Variants in PPARGC1B observed in about 807,000 individuals in gnomAD.
PPARGC1B encodes PPARG coactivator 1 beta.
PPARGC1B carries 34 observed loss-of-function variants against 101.6 expected under a neutral mutation model. That is an observed-to-expected ratio of 0.33 (90% CI 0.25 to 0.45). PPARGC1B has a LOEUF of 0.45. Among genes scored for constraint, PPARGC1B ranks in the 20% least tolerant of loss-of-function variants. The probability of loss-of-function intolerance (pLI) is 1.00; values close to 1 mark genes in which losing one functional copy is unlikely to be tolerated. For synonymous variants in PPARGC1B, 548 were observed against 539.3 expected, an observed-to-expected ratio of 1.02 and a Z score of -0.22; for missense variants, 1,234 against 1,317.6, an observed-to-expected ratio of 0.94 and a Z score of 0.98.
At chr5:149,757,295 T>C (rs756956809) in intron 1 of PPARGC1B, among the ~76,000 whole-genome samples, 13 of 151,926 alleles carry the variant, frequency 8.6e-5, no homozygotes, top group Non-Finnish European at 1.8e-4. Context: ...ACAAACGATT[T>C]GTGAAAATGG....
intron 1 of PPARGC1B, among the ~76,000 whole-genome samples, chr5:149,796,028 G>A (rs985230878): frequency 8.5e-5 from 13 of 152,290 alleles, no homozygotes; most frequent in Admixed American, 5.9e-4. Flanking sequence ...ACTGTGTGCC[G>A]AGGTGCAGCA....
chr5:149,747,039 A>G (rs1211445477), intron 1 of PPARGC1B, among the ~76,000 whole-genome samples: 2 of 152,088 alleles, frequency 1.3e-5, no homozygotes, highest in African/African-American at 2.4e-5. Flanking sequence ...CTCCCATTCT[A>G]TGTGTTGCCT....
rs201384823 is a variant in PPARGC1B, at chr5:149,842,380, G to T, written c.2816+3G>T. ...GAGGTGCTGACAAGAAATAGGAGGTGAGTTGAACCAAGCCATGGCAAATGA... is the reference window on the plus strand; with the variant it reads ...GAGGTGCTGACAAGAAATAGGAGGTTAGTTGAACCAAGCCATGGCAAATGA... On this transcript the variant is annotated splice_donor_region_variant and intron_variant, in intron 10 of 11. Coordinates refer to ENST00000309241, the MANE Select transcript of PPARGC1B (RefSeq NM_133263.4). 6.2e-7 allele frequency: 1 copy of T among 1,613,024 alleles called. No individual in the cohort carries two copies. The highest frequency in any genetic ancestry group is 2.2e-5 in the East Asian group (1 of 44,846).
chr5:149,768,435 T>C (rs1351356380), intron 1 of PPARGC1B, among the ~76,000 whole-genome samples: 1 of 146,382 alleles, frequency 6.8e-6, no homozygotes, highest in East Asian at 2.0e-4. Context: ...CCACCATGCC[T>C]GGCTAATTTT....
At chr5:149,842,829 C>T (rs2113441346) in intron 10 of PPARGC1B, among the ~76,000 whole-genome samples, 1 of 152,338 alleles carries the variant, frequency 6.6e-6, no homozygotes, top group East Asian at 1.9e-4. Context: ...TCTACCTCAG[C>T]CCTGTGCTTC....
chr5:149,839,794 C>A (rs552603755), intron 8 of PPARGC1B, among the ~76,000 whole-genome samples: 10 of 152,280 alleles, frequency 6.6e-5, no homozygotes, highest in African/African-American at 2.4e-4. Flanking sequence ...TAATGAGCAA[C>A]ACAGTGGTTC....
chr5:149,817,011 C>T (rs1014889578), intron 1 of PPARGC1B, among the ~76,000 whole-genome samples: 3 of 152,186 alleles, frequency 2.0e-5, no homozygotes, highest in Non-Finnish European at 2.9e-5. Context: ...CTAGTGTCAT[C>T]TTTTCCCATT....
chr5:149,828,820 A>G (rs1356547613), intron 3 of PPARGC1B, among the ~76,000 whole-genome samples: 2 of 152,004 alleles, frequency 1.3e-5, no homozygotes, highest in African/African-American at 4.8e-5. Context: ...GCTGAGTGGG[A>G]GGATCCCTTG....
In PPARGC1B at chr5:149,798,149, G is replaced by A. The variant is rs546568225; in HGVS notation, c.79-22284G>A. On this transcript the variant is annotated intron_variant, in intron 1 of 11. Coordinates refer to ENST00000309241, the MANE Select transcript of PPARGC1B (RefSeq NM_133263.4). The stretch of plus-strand genomic sequence containing the variant: ...GCCACACAGCTGGTTAAGGGACCAA[G>A]CCCAAATTAATGCACATCTTTCTCA... Among the ~76,000 whole-genome samples the A allele has an allele frequency of 3.9e-5, 6 of 152,314 alleles. No homozygotes were observed. The South Asian group carries it at 1.0e-3, about 26-fold the overall frequency.
chr5:149,754,774 ATTTTT>A (rs10560122), intron 1 of PPARGC1B, among the ~76,000 whole-genome samples: 2 of 68,408 alleles, frequency 2.9e-5, no homozygotes, highest in Non-Finnish European at 5.4e-5. Flanking sequence ...GAGCATCCTG[ATTTTT>A]TTTTTTTTTT....
chr5:149,790,268 A>C (rs1362775857), intron 1 of PPARGC1B, among the ~76,000 whole-genome samples: 3 of 152,120 alleles, frequency 2.0e-5, no homozygotes, highest in African/African-American at 7.2e-5. Context: ...CAGGACCAGA[A>C]TCTTTTGGCA....
At chr5:149,792,014 T>A (rs1757039947) in intron 1 of PPARGC1B, among the ~76,000 whole-genome samples, 1 of 152,066 alleles carries the variant, frequency 6.6e-6, no homozygotes, top group South Asian at 2.1e-4. Context: ...GGGAGGGGTG[T>A]CAGTGGGACA....
intron 1 of PPARGC1B, among the ~76,000 whole-genome samples, chr5:149,794,176 C>T (rs977798084): frequency 1.3e-5 from 2 of 152,174 alleles, no homozygotes; most frequent in Non-Finnish European, 2.9e-5. Flanking sequence ...AATTCAGCTT[C>T]TGTTAGAGAA....
intron 1 of PPARGC1B, among the ~76,000 whole-genome samples, chr5:149,817,193 T>C (rs1172199105): frequency 6.6e-6 from 1 of 152,110 alleles, no homozygotes; most frequent in East Asian, 1.9e-4. Context: ...TTCCTGACAT[T>C]CCATCTGATT....
At position 149,847,967 on chromosome 5, in the gene PPARGC1B, A is replaced by C. The variant is rs1759635758; in HGVS notation, c.*409A>C. ...GTTACTTGTGAATAGAATCAGGACT[A>C]TAAACTTCATTTTTAATTGAAAAAA... On this transcript the variant is annotated 3_prime_UTR_variant, in exon 12 of 12. Coordinates refer to ENST00000309241, the MANE Select transcript of PPARGC1B (RefSeq NM_133263.4). 5.2e-6 allele frequency: 1 copy of C among 190,682 alleles called. No homozygotes were observed. Among genetic ancestry groups the C allele is most frequent in the Non-Finnish European group, 1.1e-5 (1 of 91,330 alleles). The allele number at this position is 190,682 out of a possible 1,614,324, so 11.8% of individuals were successfully genotyped here. A position where few individuals can be genotyped will look rare whatever the true frequency, so the allele number is the denominator to read the frequency against.
At chr5:149,744,246 G>A (rs113703316) in intron 1 of PPARGC1B, among the ~76,000 whole-genome samples, 2 of 152,164 alleles carry the variant, frequency 1.3e-5, no homozygotes, top group Admixed American at 1.3e-4. Context: ...CTCTTAGTTT[G>A]CACATGGTTC....
intron 1 of PPARGC1B, among the ~76,000 whole-genome samples, chr5:149,739,388 T>G (rs981582427): frequency 3.3e-5 from 5 of 152,214 alleles, no homozygotes; most frequent in African/African-American, 7.2e-5. Flanking sequence ...GCAGGGAGGT[T>G]AGGTCAGTTG....
chr5:149,788,205 C>T (rs1203403106), intron 1 of PPARGC1B, among the ~76,000 whole-genome samples: 1 of 152,150 alleles, frequency 6.6e-6, no homozygotes. Context: ...CCAGCATCTA[C>T]AAAGAACTTA....
chr5:149,809,690 A>T (rs1293867760), intron 1 of PPARGC1B, among the ~76,000 whole-genome samples: 35 of 51,066 alleles, frequency 6.9e-4, no homozygotes, highest in African/African-American at 4.9e-3. Flanking sequence ...CCTTTCTTAA[A>T]AAAAAAAAAA....
Sources: gnomAD v4.1 joint callset for allele counts (sites outside exome capture counted in the v4.1 genomes callset) on GRCh38, gnomAD v4.1.1 for gene constraint, MANE v1.5 for transcripts, NCBI Gene and HGNC (gene_info 2026-07-23, HGNC 2026-07-21) for gene names.